The following LRCH1 variants were observed in gnomAD, a reference collection of about 807,000 sequenced individuals.
The protein encoded by LRCH1 is leucine rich repeats and calponin homology domain containing 1, also known as leucine-rich repeat and calponin homology domain-containing protein 1.
In LRCH1, 23 loss-of-function variants were observed where a neutral mutation model predicts 94.9. That is an observed-to-expected ratio of 0.24 (90% CI 0.17 to 0.34). The LOEUF (loss-of-function observed/expected upper bound fraction) is 0.34, where lower values mean the gene tolerates loss of function less well. Among genes scored for constraint, LRCH1 ranks in the 10% least tolerant of loss-of-function variants. The probability of loss-of-function intolerance (pLI) is 1.00; values close to 1 mark genes in which losing one functional copy is unlikely to be tolerated. For synonymous variants in LRCH1, 364 were observed against 354.9 expected (o/e 1.03, Z -0.29); for missense variants, 790 against 945.9 (o/e 0.84, Z 2.16).
intron 2 of LRCH1, among the ~76,000 whole-genome samples, chr13:46,650,741 A>G (rs1400705851): frequency 2.1e-5 from 3 of 144,092 alleles, no homozygotes; most frequent in Non-Finnish European, 3.1e-5. Flanking sequence ...AAAAAAAAAA[A>G]AGAGAAAGCC....
intron 16 of LRCH1, among the ~76,000 whole-genome samples, chr13:46,717,861 A>C (rs747837744): frequency 1.3e-5 from 2 of 151,980 alleles, no homozygotes; most frequent in Non-Finnish European, 2.9e-5. Flanking sequence ...CATTTCTCTA[A>C]AACTTATTCT....
intron 8 of LRCH1, among the ~76,000 whole-genome samples, chr13:46,693,620 G>A (rs745903990): frequency 1.3e-5 from 2 of 152,146 alleles, no homozygotes; most frequent in African/African-American, 2.4e-5. Flanking sequence ...AATACCAAAG[G>A]TCCAGTGTAG....
Position 46,743,446 on chromosome 13 carries a change from T to G in LRCH1, c.*1598T>G, listed in dbSNP as rs926958211. On this transcript the variant is annotated 3_prime_UTR_variant, in exon 20 of 20. Coordinates refer to ENST00000389797, the MANE Select transcript of LRCH1 (RefSeq NM_001164211.2). ...GTATGTGGAAGTTATCTAATTAACC[T>G]CAGTTGTATATGAATAACCCACAGA... is the stretch of plus-strand genomic sequence containing the variant. 1.0e-6 allele frequency: 1 copy of G among 985,882 alleles called. No homozygotes were observed. The highest frequency in any genetic ancestry group is 1.7e-5 in the African/African-American group (1 of 57,366). 61.1% of individuals were successfully genotyped at this position (985,882 alleles called of 1,614,324 possible).
chr13:46,625,543 C>G (rs2050935896), intron 1 of LRCH1, among the ~76,000 whole-genome samples: 1 of 151,840 alleles, frequency 6.6e-6, no homozygotes, highest in Non-Finnish European at 1.5e-5. Context: ...GGGGTCCTCA[C>G]CAGACACATA....
At chr13:46,645,271 T>C (rs1473622233) in intron 1 of LRCH1, among the ~76,000 whole-genome samples, 1 of 152,236 alleles carries the variant, frequency 6.6e-6, no homozygotes, top group Non-Finnish European at 1.5e-5. Context: ...AGTCATTTTG[T>C]AATTTATTTG....
chr13:46,644,250 C>T (rs1369784912), intron 1 of LRCH1, among the ~76,000 whole-genome samples: 2 of 152,168 alleles, frequency 1.3e-5, no homozygotes, highest in Admixed American at 6.5e-5. Flanking sequence ...TTGGTCAATG[C>T]GTGGTAAACT....
chr13:46,672,402 G>T (rs889457813), intron 3 of LRCH1, among the ~76,000 whole-genome samples: 10 of 151,898 alleles, frequency 6.6e-5, no homozygotes, highest in Non-Finnish European at 1.3e-4. Context: ...CAATCTTCTG[G>T]AACTTTTTGG....
chr13:46,609,544 T>G (rs1036670749), intron 1 of LRCH1, among the ~76,000 whole-genome samples: 8 of 152,180 alleles, frequency 5.3e-5, no homozygotes, highest in South Asian at 2.1e-4. Context: ...GAAGGTCTCA[T>G]AGAGAGTTTT....
intron 16 of LRCH1, among the ~76,000 whole-genome samples, 168 bp from the exon 17 acceptor site, chr13:46,723,053 C>T (rs1872656237): frequency 6.6e-6 from 1 of 152,156 alleles, no homozygotes; most frequent in Non-Finnish European, 1.5e-5. Flanking sequence ...AATATTGTCT[C>T]TTTTAAAATA....
chr13:46,742,731 T>A lies in LRCH1; in HGVS notation c.*883T>A. 2 of 985,462 alleles carry A rather than the reference T, an allele frequency of 2.0e-6. No homozygotes were observed. The highest frequency in any genetic ancestry group is 4.7e-5 in the South Asian group (1 of 21,282). The allele number at this position is 985,462 out of a possible 1,614,324, so 61.0% of individuals were successfully genotyped here. ...ACATAGTAACTGCCGGTCCAGAATG[T>A]GACGGATTCGACTCTATTCATTTTC... On this transcript the variant is annotated 3_prime_UTR_variant, in exon 20 of 20. Coordinates refer to ENST00000389797, the MANE Select transcript of LRCH1 (RefSeq NM_001164211.2).
chr13:46,613,571 T>C (rs2050771615), intron 1 of LRCH1, among the ~76,000 whole-genome samples: 1 of 152,132 alleles, frequency 6.6e-6, no homozygotes, highest in South Asian at 2.1e-4. Context: ...CAAAGCGTGA[T>C]TGGCTGATGC....
rs768926320 is a variant in LRCH1 at position 46,705,055 on chromosome 13, T to C, written c.1401-13T>C. Reference sequence around the variant, plus strand: ...TAATACGTTTACTAATATCTTTTTTTCCTACTCTTTAGATTAAGCACAGAT... The same window carrying C: ...TAATACGTTTACTAATATCTTTTTTCCCTACTCTTTAGATTAAGCACAGAT... On this transcript the variant is annotated splice_polypyrimidine_tract_variant and intron_variant, in intron 11 of 19. Coordinates refer to ENST00000389797, the MANE Select transcript of LRCH1 (RefSeq NM_001164211.2). 6.3e-5 allele frequency: 89 copies of C among 1,404,904 alleles called. No homozygotes were observed. Among genetic ancestry groups the C allele is most frequent in the Non-Finnish European group, 8.1e-5 (82 of 1,010,914 alleles). 87.0% of individuals were successfully genotyped at this position (1,404,904 alleles called of 1,614,324 possible). A position where few individuals can be genotyped will look rare whatever the true frequency, so the allele number is the denominator to read the frequency against.
At chr13:46,570,573 C>A (rs181521212) in intron 1 of LRCH1, among the ~76,000 whole-genome samples, 4 of 152,228 alleles carry the variant, frequency 2.6e-5, no homozygotes, top group African/African-American at 9.7e-5. Context: ...TTACTCTCTG[C>A]ATGGCCTAGC....
At chr13:46,668,873 T>C (rs1399662104) in intron 2 of LRCH1, among the ~76,000 whole-genome samples, 157 bp from the exon 3 acceptor site, 7 of 152,190 alleles carry the variant, frequency 4.6e-5, no homozygotes, top group Non-Finnish European at 7.3e-5. Context: ...TACATACTTG[T>C]CATTTGAGTT....
chr13:46,602,710 T>C (rs1280348917), intron 1 of LRCH1, among the ~76,000 whole-genome samples: 2 of 152,170 alleles, frequency 1.3e-5, no homozygotes, highest in Admixed American at 6.6e-5. Context: ...CCCTACACTT[T>C]GGGAGGCCGA....
intron 5 of LRCH1, among the ~76,000 whole-genome samples, chr13:46,687,499 C>T (rs1024652690): frequency 1.3e-5 from 2 of 152,144 alleles, no homozygotes; most frequent in Non-Finnish European, 2.9e-5. Flanking sequence ...TCTATCAGCT[C>T]GAAAATAATT....
At chr13:46,662,212 G>T (rs561088937) in intron 2 of LRCH1, among the ~76,000 whole-genome samples, 46 of 152,238 alleles carry the variant, frequency 3.0e-4, no homozygotes, top group Admixed American at 2.9e-3. Context: ...AGGAAACTAG[G>T]GTTGATTTCA....
chr13:46,653,138 T>C (rs9534452), intron 2 of LRCH1, among the ~76,000 whole-genome samples: 6,207 of 152,250 alleles, frequency 0.041, 153 homozygotes, highest in African/African-American at 0.069. Flanking sequence ...TCCTGGGTAA[T>C]GGAAAGGAAA....
At chr13:46,620,037 C>T (rs2050862844) in intron 1 of LRCH1, among the ~76,000 whole-genome samples, 2 of 152,158 alleles carry the variant, frequency 1.3e-5, no homozygotes, top group South Asian at 4.2e-4. Flanking sequence ...TAACGTAATT[C>T]TAGTATTCGT....
Sources: gnomAD v4.1 joint callset for allele counts (sites outside exome capture counted in the v4.1 genomes callset) on GRCh38, gnomAD v4.1.1 for gene constraint, MANE v1.5 for transcripts, NCBI Gene and HGNC (gene_info 2026-07-23, HGNC 2026-07-21) for gene names.